Variants in SNX29 observed in about 807,000 individuals in gnomAD.
SNX29 encodes the protein sorting nexin 29.
In SNX29, 78 loss-of-function variants were observed where a neutral mutation model predicts 102.1. The ratio of observed to expected loss-of-function variants is 0.76; its 90% CI spans 0.64 to 0.92. The LOEUF (loss-of-function observed/expected upper bound fraction) is 0.92. Ranked by LOEUF, SNX29 falls within the 40% of genes least tolerant of loss-of-function variation. The pLI is 0.00. For synonymous variants in SNX29, 580 were observed against 414.5 expected, an observed-to-expected ratio of 1.40 and a Z score of -4.85; for missense variants, 1,280 against 1,061.7, an observed-to-expected ratio of 1.21 and a Z score of -2.86.
intron 1 of SNX29, among the ~76,000 whole-genome samples, chr16:11,977,196 C>T (rs756712018): frequency 6.6e-5 from 10 of 152,128 alleles, no homozygotes; most frequent in Non-Finnish European, 1.3e-4. Context: ...TTCCAGGTCC[C>T]CCATCCCCAG....
chr16:12,433,131 C>G (rs2085382778), intron 18 of SNX29, among the ~76,000 whole-genome samples: 1 of 152,178 alleles, frequency 6.6e-6, no homozygotes, highest in Non-Finnish European at 1.5e-5. Flanking sequence ...CCTTTCAGAC[C>G]CTGTGGAGGT....
Position 12,573,764 on chromosome 16 carries a change from G to T in SNX29, c.*5135G>T, listed in dbSNP as rs1038090049. Reference sequence around the variant, plus strand: ...TGCACCCAGAGCTACTAAACGCTCAGTGACCCCAGAGACCATTAATTTCCC... The same window carrying T: ...TGCACCCAGAGCTACTAAACGCTCATTGACCCCAGAGACCATTAATTTCCC... On this transcript the variant is annotated 3_prime_UTR_variant, in exon 21 of 21. Transcript: ENST00000566228. 4 of 222,792 alleles carry T rather than the reference G, an allele frequency of 1.8e-5. No individual in the cohort carries two copies. Among genetic ancestry groups the T allele is most frequent in the Admixed American group, 5.7e-5 (1 of 17,448 alleles). 13.8% of individuals were successfully genotyped at this position (222,792 alleles called of 1,614,324 possible).
chr16:12,493,783 G>A (rs1300611125), intron 19 of SNX29, among the ~76,000 whole-genome samples: 1 of 152,160 alleles, frequency 6.6e-6, no homozygotes, highest in African/African-American at 2.4e-5. Flanking sequence ...GTAGAGACGG[G>A]GTTTCACCAT....
chr16:12,033,036 G>A (rs1003980626), intron 4 of SNX29, among the ~76,000 whole-genome samples: 6 of 151,684 alleles, frequency 4.0e-5, no homozygotes, highest in African/African-American at 1.5e-4. Context: ...TGTATTTTTA[G>A]TAGAGGCAGG....
chr16:12,221,282 G>T (rs1038785812), intron 14 of SNX29, among the ~76,000 whole-genome samples: 4 of 152,126 alleles, frequency 2.6e-5, no homozygotes, highest in African/African-American at 9.7e-5. Flanking sequence ...AGATCACTGA[G>T]CCTGGGAAAT....
chr16:12,452,021 C>T (rs999333938), intron 18 of SNX29, among the ~76,000 whole-genome samples: 9 of 152,210 alleles, frequency 5.9e-5, no homozygotes, highest in African/African-American at 2.2e-4. Context: ...GGCCCATGCT[C>T]AGCTGTTTAG....
intron 20 of SNX29, among the ~76,000 whole-genome samples, chr16:12,544,809 C>G (rs1333899350): frequency 1.3e-5 from 2 of 152,212 alleles, no homozygotes; most frequent in Admixed American, 6.5e-5. Context: ...AGACCAAACT[C>G]TTGACCACTG....
chr16:12,145,583 C>G (rs1477071840), intron 13 of SNX29, among the ~76,000 whole-genome samples: 1 of 152,170 alleles, frequency 6.6e-6, no homozygotes, highest in Admixed American at 6.5e-5. Context: ...GGAAAATCAC[C>G]TGAACACAAT....
At chr16:12,526,889 T>C (rs2076799232) in intron 20 of SNX29, 1 of 395,428 alleles carries the variant, frequency 2.5e-6, no homozygotes, top group African/African-American at 2.0e-5. Context: ...CGGTGTGACA[T>C]GAATCTCAGC....
At chr16:12,134,321 A>T (rs557864180) in intron 13 of SNX29, among the ~76,000 whole-genome samples, 1 of 152,220 alleles carries the variant, frequency 6.6e-6, no homozygotes, top group African/African-American at 2.4e-5. Flanking sequence ...ACAAATATTT[A>T]TGATTCCCCA....
At chr16:12,353,027 C>G (rs2082030789) in intron 15 of SNX29, among the ~76,000 whole-genome samples, 1 of 152,120 alleles carries the variant, frequency 6.6e-6, no homozygotes, top group African/African-American at 2.4e-5. Context: ...TGTCCCAAGG[C>G]TCATTAGATA....
chr16:12,435,067 C>T (rs2085477734), intron 18 of SNX29, among the ~76,000 whole-genome samples: 1 of 152,096 alleles, frequency 6.6e-6, no homozygotes, highest in African/African-American at 2.4e-5. Flanking sequence ...CCAGTCTGTC[C>T]ATCCCCAGGC....
In SNX29 at chr16:12,048,632, C is replaced by G. The variant is rs377208446; in HGVS notation, c.748+12C>G. 1.2e-6 allele frequency: 2 copies of G among 1,613,758 alleles called. No individual in the cohort carries two copies. Among genetic ancestry groups the G allele is most frequent in the Non-Finnish European group, 1.7e-6 (2 of 1,179,868 alleles). Reference sequence around the variant, plus strand: ...GAATGTCAGTGCTGGTGAGTGGGAACGGGTGCTCGAGGCGGAGCAGAGGGA... The same window carrying G: ...GAATGTCAGTGCTGGTGAGTGGGAAGGGGTGCTCGAGGCGGAGCAGAGGGA... On this transcript the variant is annotated intron_variant, in intron 7 of 20. Coordinates refer to ENST00000566228, the MANE Select transcript of SNX29 (RefSeq NM_032167.5).
At chr16:12,256,089 CATT>C (rs755972135) in intron 14 of SNX29, among the ~76,000 whole-genome samples, 2 of 152,154 alleles carry the variant, frequency 1.3e-5, no homozygotes, top group Non-Finnish European at 2.9e-5. Context: ...GGTGCTATCT[CATT>C]GTGGTTTTGA....
At chr16:12,393,305 A>C (rs2083596215) in intron 16 of SNX29, among the ~76,000 whole-genome samples, 1 of 151,158 alleles carries the variant, frequency 6.6e-6, no homozygotes, top group African/African-American at 2.5e-5. Context: ...CTTCCCATGC[A>C]TCAAGATTTT....
At chr16:12,552,950 A>G (rs373585671) in intron 20 of SNX29, among the ~76,000 whole-genome samples, 1 of 152,244 alleles carries the variant, frequency 6.6e-6, no homozygotes, top group African/African-American at 2.4e-5. Flanking sequence ...CCACGTCATC[A>G]GGAACATGGA....
intron 18 of SNX29, among the ~76,000 whole-genome samples, chr16:12,413,120 G>A (rs528268709): frequency 3.9e-5 from 6 of 152,304 alleles, no homozygotes; most frequent in Non-Finnish European, 7.3e-5. Flanking sequence ...TTGTCACTGA[G>A]TATTTGGTTT....
intron 19 of SNX29, among the ~76,000 whole-genome samples, chr16:12,509,688 G>A (rs1271112887): frequency 6.6e-6 from 1 of 152,216 alleles, no homozygotes; most frequent in Non-Finnish European, 1.5e-5. Context: ...GGAGGCCAAG[G>A]TGGGAGGATG....
At chr16:12,353,256 A>C (rs370530475) in intron 15 of SNX29, among the ~76,000 whole-genome samples, 1 of 152,024 alleles carries the variant, frequency 6.6e-6, no homozygotes, top group Non-Finnish European at 1.5e-5. Flanking sequence ...CAGCATTTCT[A>C]TCTCCTTGGT....
Sources: gnomAD v4.1 joint callset for allele counts (sites outside exome capture counted in the v4.1 genomes callset) on GRCh38, gnomAD v4.1.1 for gene constraint, MANE v1.5 for transcripts, NCBI Gene and HGNC (gene_info 2026-07-23, HGNC 2026-07-21) for gene names.